Variants in ARL15 observed in about 807,000 individuals in gnomAD.
ARL15 encodes ARF like GTPase 15, also known as ADP-ribosylation factor-like protein 15.
A neutral mutation model predicts 25.2 loss-of-function variants in ARL15; 19 were observed. The ratio of observed to expected loss-of-function variants is 0.75; its 90% confidence interval spans 0.53 to 1.10. ARL15 has a LOEUF of 1.10. ARL15 is among the 50% of genes least tolerant of loss of function. ARL15 has a pLI of 0.00. For missense variants in ARL15, 220 were observed against 246.0 expected, an observed-to-expected ratio of 0.89 and a Z score of 0.71; for synonymous variants, 94 against 86.8, an observed-to-expected ratio of 1.08 and a Z score of -0.46.
At chr5:54,016,246 C>T (rs1749423895) in intron 4 of ARL15, among the ~76,000 whole-genome samples, 1 of 152,112 alleles carries the variant, frequency 6.6e-6, no homozygotes. Context: ...AATTTGCTTC[C>T]TTTGAATTTT....
At chr5:53,981,088 C>T (rs1340851142) in intron 4 of ARL15, among the ~76,000 whole-genome samples, 1 of 152,114 alleles carries the variant, frequency 6.6e-6, no homozygotes, top group African/African-American at 2.4e-5. Flanking sequence ...AAACAAACTT[C>T]AGTTACTTCA....
chr5:53,896,738 C>T (rs946505274), intron 4 of ARL15, among the ~76,000 whole-genome samples: 4 of 151,980 alleles, frequency 2.6e-5, no homozygotes, highest in South Asian at 2.1e-4. Flanking sequence ...CCTCATGATC[C>T]GCCTGCCTTG....
intron 4 of ARL15, among the ~76,000 whole-genome samples, chr5:53,985,978 G>T (rs1315531188): frequency 6.6e-6 from 1 of 152,026 alleles, no homozygotes; most frequent in Non-Finnish European, 1.5e-5. Flanking sequence ...TGGGGCTTGG[G>T]GATGACACCC....
intron 1 of ARL15, among the ~76,000 whole-genome samples, chr5:54,291,544 C>T (rs1054067790): frequency 3.9e-5 from 6 of 152,092 alleles, no homozygotes; most frequent in Non-Finnish European, 2.9e-5. Context: ...CCCGCAGATA[C>T]AGAAGGCTAA....
At chr5:54,199,513 T>C (rs1292921254) in intron 1 of ARL15, among the ~76,000 whole-genome samples, 4 of 151,920 alleles carry the variant, frequency 2.6e-5, no homozygotes, top group Non-Finnish European at 5.9e-5. Context: ...CAAAAGAAGA[T>C]ATTTATGCAG....
intron 4 of ARL15, among the ~76,000 whole-genome samples, chr5:53,957,490 C>T (rs916229036): frequency 1.3e-5 from 2 of 151,392 alleles, no homozygotes; most frequent in Non-Finnish European, 2.9e-5. Context: ...AACAAAAGGA[C>T]ACTAGATAGT....
chr5:53,931,348 G>T (rs1049172569), intron 4 of ARL15, among the ~76,000 whole-genome samples: 4 of 152,156 alleles, frequency 2.6e-5, no homozygotes, highest in African/African-American at 9.7e-5. Context: ...GACACAATCA[G>T]TTTGTTACTG....
intron 1 of ARL15, among the ~76,000 whole-genome samples, chr5:54,212,163 G>A (rs1377996730): frequency 6.6e-6 from 1 of 152,158 alleles, no homozygotes; most frequent in African/African-American, 2.4e-5. Flanking sequence ...CTGTGTTTCA[G>A]TAACACTTTA....
At chr5:54,171,632 A>C (rs574311871) in intron 2 of ARL15, among the ~76,000 whole-genome samples, 152 bp downstream of exon 2, 2 of 152,346 alleles carry the variant, frequency 1.3e-5, no homozygotes, top group South Asian at 4.1e-4. Flanking sequence ...ATTCATTTCA[A>C]ATCTTTTTTG....
intron 1 of ARL15, among the ~76,000 whole-genome samples, chr5:54,290,332 C>A (rs1198739380): frequency 7.0e-6 from 1 of 143,684 alleles, no homozygotes; most frequent in African/African-American, 2.6e-5. Context: ...GAGGTAGAGT[C>A]TCACTCTGTC....
chr5:54,016,782 C>A (rs1749442049), intron 4 of ARL15, among the ~76,000 whole-genome samples: 1 of 152,214 alleles, frequency 6.6e-6, no homozygotes, highest in African/African-American at 2.4e-5. Context: ...ATAGGACATT[C>A]CCTCTGACTT....
In ARL15 at chr5:54,230,084, G is replaced by C. The variant is rs115707942; in HGVS notation, c.49-58156C>G. ...AAAAACATTTTTAGAGCAGTGCTCT[G>C]CTCACCCCTGTAATCCCAGCACTTC... On this transcript the variant is annotated intron_variant, in intron 1 of 4. Transcript: ENST00000504924. Among the ~76,000 whole-genome samples the C allele has an allele frequency of 9.3e-3, 1,413 of 152,224 alleles. 19 individuals carry two copies. Among genetic ancestry groups the C allele is most frequent in the Middle Eastern group, 0.048 (14 of 294 alleles).
At chr5:54,113,622 G>A (rs553484543) in intron 3 of ARL15, among the ~76,000 whole-genome samples, 1 of 152,336 alleles carries the variant, frequency 6.6e-6, no homozygotes, top group South Asian at 2.1e-4. Flanking sequence ...ATTTGGCCTT[G>A]AAGGAAGACA....
intron 4 of ARL15, among the ~76,000 whole-genome samples, chr5:54,074,171 T>G (rs1194314918): frequency 6.6e-6 from 1 of 152,224 alleles, no homozygotes; most frequent in Non-Finnish European, 1.5e-5. Context: ...ATGGTGTGGG[T>G]GGTGGGAAAT....
intron 4 of ARL15, among the ~76,000 whole-genome samples, chr5:53,960,604 A>T (rs1191893700): frequency 6.6e-6 from 1 of 152,216 alleles, no homozygotes; most frequent in South Asian, 2.1e-4. Flanking sequence ...AGACGTCAAG[A>T]TGTTTTGTAA....
intron 1 of ARL15, among the ~76,000 whole-genome samples, chr5:54,232,448 G>A (rs920519255): frequency 5.3e-5 from 8 of 152,134 alleles, no homozygotes; most frequent in African/African-American, 1.9e-4. Context: ...TACTATCTAT[G>A]GAAAAAAGTT....
intron 4 of ARL15, among the ~76,000 whole-genome samples, chr5:54,098,423 G>A (rs561629978): frequency 4.6e-5 from 7 of 151,950 alleles, no homozygotes; most frequent in Non-Finnish European, 1.0e-4. Context: ...GCCATCCTCC[G>A]TCAAAGCACA....
chr5:54,102,674 TC>T (rs1317368703), intron 4 of ARL15, among the ~76,000 whole-genome samples: 1 of 152,134 alleles, frequency 6.6e-6, no homozygotes, highest in East Asian at 1.9e-4. Flanking sequence ...CTCTAAGGAT[TC>T]CCCTGACAAG....
chr5:54,219,002 G>C (rs1468895556), intron 1 of ARL15, among the ~76,000 whole-genome samples: 1 of 146,316 alleles, frequency 6.8e-6, no homozygotes, highest in Non-Finnish European at 1.5e-5. Context: ...TTTTTTTTAA[G>C]ACAGTAATCT....
Sources: allele counts gnomAD v4.1 joint callset (sites outside exome capture counted in the v4.1 genomes callset), GRCh38; gene constraint gnomAD v4.1.1; transcripts MANE v1.5; gene names NCBI Gene and HGNC (gene_info 2026-07-23, HGNC 2026-07-21).